The following RAB10 variants were observed in gnomAD, a reference collection of about 807,000 sequenced individuals.
RAB10 encodes the protein ras-related protein Rab-10.
In RAB10, 5 loss-of-function variants were observed where a neutral mutation model predicts 25.7. That is an observed-to-expected ratio of 0.19 (90% CI 0.10 to 0.41). The LOEUF (loss-of-function observed/expected upper bound fraction) is 0.41, where lower values mean the gene tolerates loss of function less well. Ranked by LOEUF, RAB10 falls within the 10% of genes least tolerant of loss-of-function variation. The pLI, the probability that RAB10 is intolerant of heterozygous loss-of-function variation, is 1.00. For missense variants in RAB10, 103 were observed against 245.8 expected, an observed-to-expected ratio of 0.42 and a Z score of 3.89; for synonymous variants, 89 against 86.4, an observed-to-expected ratio of 1.03 and a Z score of -0.16.
At chr2:26,064,161 A>G (rs943385660) in intron 1 of RAB10, among the ~76,000 whole-genome samples, 2 of 152,246 alleles carry the variant, frequency 1.3e-5, no homozygotes, top group Middle Eastern at 3.4e-3. Flanking sequence ...AGCCTGCCAT[A>G]TTTCTTCATT....
At chr2:26,055,681 G>A (rs1440437342) in intron 1 of RAB10, among the ~76,000 whole-genome samples, 1 of 151,978 alleles carries the variant, frequency 6.6e-6, no homozygotes, top group African/African-American at 2.4e-5. Flanking sequence ...GAGCCACCCT[G>A]CCCAGCCTAA....
At chr2:26,085,544 G>A (rs888524526) in intron 1 of RAB10, among the ~76,000 whole-genome samples, 2 of 150,328 alleles carry the variant, frequency 1.3e-5, no homozygotes, top group South Asian at 2.1e-4. Context: ...TCACCAGCTT[G>A]ACCTTCTTCC....
chr2:26,112,385 A>G (rs1046268530), intron 3 of RAB10, among the ~76,000 whole-genome samples: 1 of 152,166 alleles, frequency 6.6e-6, no homozygotes, highest in African/African-American at 2.4e-5. Flanking sequence ...GAGCCTTGTC[A>G]TCAGTCACCT....
intron 2 of RAB10, among the ~76,000 whole-genome samples, chr2:26,099,259 G>GA (rs1667290734): frequency 6.6e-6 from 1 of 152,082 alleles, no homozygotes; most frequent in African/African-American, 2.4e-5. Context: ...AGGACCCTGT[G>GA]AAATCTGTTA....
At chr2:26,064,508 T>A (rs1235354773) in intron 1 of RAB10, among the ~76,000 whole-genome samples, 6 of 151,318 alleles carry the variant, frequency 4.0e-5, no homozygotes, top group South Asian at 2.1e-4. Flanking sequence ...AAAAAAAAAT[T>A]TTTTTTTTCA....
intron 3 of RAB10, among the ~76,000 whole-genome samples, chr2:26,120,361 A>G (rs1667778256): frequency 6.6e-6 from 1 of 152,192 alleles, no homozygotes; most frequent in Non-Finnish European, 1.5e-5. Context: ...TACTTATACA[A>G]CTTGCAAAGT....
chr2:26,113,211 G>A (rs1353871768), intron 3 of RAB10, among the ~76,000 whole-genome samples: 3 of 152,072 alleles, frequency 2.0e-5, no homozygotes, highest in Non-Finnish European at 2.9e-5. Flanking sequence ...ATTAATAGAC[G>A]ACAAAACCAT....
At chr2:26,122,357 G>A (rs570249401) in intron 3 of RAB10, among the ~76,000 whole-genome samples, 4 of 152,254 alleles carry the variant, frequency 2.6e-5, no homozygotes, top group South Asian at 2.1e-4. Context: ...GGCTGGGCGC[G>A]GTGGCTCACG....
intron 1 of RAB10, among the ~76,000 whole-genome samples, chr2:26,094,542 G>T (rs1255326543): frequency 6.6e-6 from 1 of 151,212 alleles, no homozygotes; most frequent in Admixed American, 6.6e-5. Flanking sequence ...GTGAGCCACC[G>T]CACCTGGCCG....
At chr2:26,033,867 C>T (rs550098431), upstream of RAB10, among the ~76,000 whole-genome samples, 1 of 152,328 alleles carries the variant, frequency 6.6e-6, no homozygotes, top group Non-Finnish European at 1.5e-5. Flanking sequence ...CTCGTAACGC[C>T]GCGCACCCTA....
chr2:26,049,888 C>A (rs1438194127), intron 1 of RAB10, among the ~76,000 whole-genome samples: 1 of 152,114 alleles, frequency 6.6e-6, no homozygotes, highest in Non-Finnish European at 1.5e-5. Flanking sequence ...CCTATGTACT[C>A]CAGCAACCTC....
intron 1 of RAB10, among the ~76,000 whole-genome samples, chr2:26,082,229 T>C (rs573062374): frequency 3.5e-4 from 53 of 152,082 alleles, no homozygotes; most frequent in African/African-American, 8.9e-4. Flanking sequence ...TGTAAGGTTC[T>C]TATATTATGT....
At chr2:26,127,391 T>C in intron 4 of RAB10, 158 bp downstream of exon 4, 1 of 610,104 alleles carries the variant, frequency 1.6e-6, no homozygotes, top group Non-Finnish European at 2.8e-6. Context: ...AGTGAATTTT[T>C]TTTCAGTGCA....
chr2:26,119,419 T>A (rs538893739), intron 3 of RAB10, among the ~76,000 whole-genome samples: 51 of 151,878 alleles, frequency 3.4e-4, no homozygotes, highest in South Asian at 1.5e-3. Flanking sequence ...AAAAAAAAAA[T>A]AAATTTTAAA....
intron 1 of RAB10, among the ~76,000 whole-genome samples, chr2:26,088,213 T>TA (rs940391668): frequency 7.2e-5 from 11 of 152,266 alleles, no homozygotes; most frequent in South Asian, 4.1e-4. Context: ...GGAAAACTGA[T>TA]AGAGTGGCTA....
chr2:26,072,386 A>G (rs1185172392), intron 1 of RAB10, among the ~76,000 whole-genome samples: 1 of 152,020 alleles, frequency 6.6e-6, no homozygotes, highest in Non-Finnish European at 1.5e-5. Context: ...ACTGCATTCC[A>G]GCCTGGCGAC....
chr2:26,112,854 G>A (rs1175988733), intron 3 of RAB10, among the ~76,000 whole-genome samples: 2 of 152,186 alleles, frequency 1.3e-5, no homozygotes, highest in African/African-American at 4.8e-5. Flanking sequence ...GCTGAGGCAG[G>A]CGGATCACCT....
Position 26,127,922 on chromosome 2 carries a change from C to T in RAB10, c.490C>T (p.Leu164Phe), listed in dbSNP as rs1428163313. The change falls in exon 5 of 6, where the codon CTC (leucine) becomes TTC (phenylalanine). Residue 164 changes from leucine (L) to phenylalanine (F), a missense_variant. Around this residue, in one of 2 missense-constraint regions of RAB10, gnomAD observed 79 missense variants for 217.8 expected, o/e 0.36. Transcript: ENST00000264710. ...KANINIEKAF[L>F]TLAEDILRKT... Reference sequence around the variant, plus strand: ...AAATATAAACATCGAAAAGGCGTTCCTCACGTTAGCTGAAGATATCCTTCG... The same window carrying T: ...AAATATAAACATCGAAAAGGCGTTCTTCACGTTAGCTGAAGATATCCTTCG... 1 of 1,606,794 alleles carries T rather than the reference C, an allele frequency of 6.2e-7. No individual in the cohort carries two copies. The highest frequency in any genetic ancestry group is 8.5e-7 in the Non-Finnish European group (1 of 1,173,450).
chr2:26,101,345 G>C (rs1667333491), intron 2 of RAB10: 1 of 152,256 alleles, frequency 6.6e-6, no homozygotes, highest in Non-Finnish European at 1.5e-5. Flanking sequence ...TGGAGCCTGG[G>C]TCTTCTTCAT....
Sources: gnomAD v4.1 joint callset for allele counts (sites outside exome capture counted in the v4.1 genomes callset) on GRCh38, gnomAD v4.1.1 for gene constraint, gnomAD v4.1.1 regional missense constraint, MANE v1.5 for transcripts, NCBI Gene and HGNC (gene_info 2026-07-23, HGNC 2026-07-21) for gene names.